DNAH11: variants seen among roughly 807,000 people sequenced by gnomAD.
The protein encoded by DNAH11 is axonemal beta dynein heavy chain 11.
Under a neutral mutation model 526.0 loss-of-function variants are expected in DNAH11, and 442 were observed. The observed-to-expected ratio is 0.84, with a 90% CI of 0.78 to 0.91. The LOEUF (loss-of-function observed/expected upper bound fraction) is 0.91, where lower values mean the gene tolerates loss of function less well. DNAH11 is among the 40% of genes least tolerant of loss of function. The pLI is 0.00. For missense variants in DNAH11, 6,989 were observed against 5,448.7 expected (o/e 1.28, Z -8.90); for synonymous variants, 2,461 against 1,935.9 (o/e 1.27, Z -7.12).
In DNAH11 at chr7:21,884,359, G is replaced by T. The variant is rs1339128502; in HGVS notation, c.12456G>T (p.Trp4152Cys). 1.2e-6 allele frequency: 2 copies of T among 1,612,960 alleles called. No individual in the cohort carries two copies. Among genetic ancestry groups the T allele is most frequent in the Non-Finnish European group, 1.7e-6 (2 of 1,179,352 alleles). The change falls in exon 76 of 82, where the codon TGG becomes TGT. Residue 4152 changes from tryptophan (W) to cysteine (C), a missense_variant. Physicochemically the swap from Trp to Cys is radical, Grantham distance 215. Coordinates refer to ENST00000409508, the MANE Select transcript of DNAH11 (RefSeq NM_001277115.2). ...IMYGGHITDD[W>C]DRKLCRVYLE... ...ATGGAGGCCACATCACAGATGACTG[G>T]GATCGCAAACTGTGTCGGGTGTATT...
At chr7:21,868,500 C>A (rs977425291) in intron 72 of DNAH11, among the ~76,000 whole-genome samples, 1 of 151,992 alleles carries the variant, frequency 6.6e-6, no homozygotes, top group Non-Finnish European at 1.5e-5. Context: ...CAGATCCATT[C>A]AAAAAAAATG....
At position 21,690,732 on chromosome 7, in the gene DNAH11, C is replaced by T. The variant is rs752284600; in HGVS notation, c.5925-33C>T. 2.7e-5 allele frequency: 40 copies of T among 1,503,082 alleles called. 3 individuals are homozygous for T. The South Asian group carries it at 4.6e-4, about 17-fold the overall frequency. The allele number at this position is 1,503,082 out of a possible 1,614,324, so 93.1% of individuals were successfully genotyped here. A position where few individuals can be genotyped will look rare whatever the true frequency, so the allele number is the denominator to read the frequency against. ...AATGTGCATTCATATTCAATGAACA[C>T]ATTTAATTTCATCAACATTCTTTTT... On this transcript the variant is annotated intron_variant, in intron 34 of 81. Coordinates refer to ENST00000409508, the MANE Select transcript of DNAH11 (RefSeq NM_001277115.2).
intron 62 of DNAH11, among the ~76,000 whole-genome samples, chr7:21,805,588 C>G (rs1003062554): frequency 3.9e-4 from 60 of 152,256 alleles, no homozygotes; most frequent in African/African-American, 1.3e-3. Context: ...GAAGAGTTCT[C>G]CATTTGTGAG....
intron 44 of DNAH11, among the ~76,000 whole-genome samples, chr7:21,723,718 G>A (rs1784968391): frequency 6.6e-6 from 1 of 151,802 alleles, no homozygotes; most frequent in Non-Finnish European, 1.5e-5. Context: ...TTCTTCCTCT[G>A]CCACTTCCCC....
intron 5 of DNAH11, among the ~76,000 whole-genome samples, chr7:21,562,353 C>A (rs1164406104): frequency 6.6e-6 from 1 of 152,080 alleles, no homozygotes; most frequent in Admixed American, 6.6e-5. Context: ...CAAGATTTCT[C>A]CTGGTTGAGA....
intron 46 of DNAH11, among the ~76,000 whole-genome samples, chr7:21,736,563 T>C (rs958847517): frequency 6.6e-6 from 1 of 152,256 alleles, no homozygotes; most frequent in Non-Finnish European, 1.5e-5. Flanking sequence ...ATATATGTTG[T>C]TTCCTTAGCT....
intron 48 of DNAH11, 35 bp downstream of exon 48, chr7:21,739,708 G>T (rs753180035): frequency 1.3e-6 from 2 of 1,515,820 alleles, no homozygotes; most frequent in Admixed American, 1.7e-5. Context: ...AAAACTGTAG[G>T]TCTGTATTGT....
At chr7:21,847,479 A>G (rs1261227910) in intron 66 of DNAH11, among the ~76,000 whole-genome samples, 4 of 152,156 alleles carry the variant, frequency 2.6e-5, no homozygotes, top group Non-Finnish European at 5.9e-5. Context: ...TAATCTCCAA[A>G]TATTTTTGAA....
chr7:21,770,194 T>C (rs1787373598), intron 55 of DNAH11, among the ~76,000 whole-genome samples: 1 of 152,164 alleles, frequency 6.6e-6, no homozygotes, highest in African/African-American at 2.4e-5. Flanking sequence ...ACCAGAAATA[T>C]TTTGGGTTTC....
At chr7:21,579,921 G>T (rs77921813) in intron 8 of DNAH11, among the ~76,000 whole-genome samples, 3,167 of 152,288 alleles carry the variant, frequency 0.021, 110 homozygotes, top group African/African-American at 0.071. Context: ...GGAGATGGAG[G>T]ATAGTAGAGA....
intron 30 of DNAH11, among the ~76,000 whole-genome samples, chr7:21,660,198 G>C (rs567314175): frequency 6.6e-6 from 1 of 152,002 alleles, no homozygotes; most frequent in African/African-American, 2.4e-5. Context: ...ATGCAATTCT[G>C]CTATGCCTTT....
chr7:21,742,005 C>A lies in DNAH11; in HGVS notation c.7993C>A (p.His2665Asn). ...NTIYGQIFSF[H>N]FQQQAFAPSI... ...CATCTATGGCCAAATCTTTAGCTTC[C>A]ATTTCCAACAGCAAGCATTTGCTCC... Residue 2665 changes from histidine (H) to asparagine (N), a missense_variant, in exon 49 of 82, where the codon CAT (histidine) becomes AAT (asparagine). Transcript: ENST00000409508. The A allele has an allele frequency of 6.2e-7, 1 of 1,613,944 alleles. No individual in the cohort carries two copies. Among genetic ancestry groups the A allele is most frequent in the Non-Finnish European group, 8.5e-7 (1 of 1,179,864 alleles).
chr7:21,606,617 T>TCAC, intron 19 of DNAH11, 30 bp from the exon 20 acceptor site: 1 of 826,310 alleles, frequency 1.2e-6, no homozygotes, highest in Non-Finnish European at 1.6e-6. Flanking sequence ...GAAATTCACT[T>TCAC]TTTTTTTTTT....
intron 62 of DNAH11, among the ~76,000 whole-genome samples, chr7:21,805,295 T>C (rs889633963): frequency 3.9e-5 from 6 of 152,224 alleles, no homozygotes; most frequent in African/African-American, 1.2e-4. Flanking sequence ...CTTTTTTTGG[T>C]CTTTTTTTCC....
At chr7:21,851,319 T>A (rs1023739598) in intron 66 of DNAH11, 1 of 266,612 alleles carries the variant, frequency 3.8e-6, no homozygotes, top group Non-Finnish European at 7.5e-6. Flanking sequence ...TCCACCATGA[T>A]TGTAAGTTTC....
At chr7:21,854,734 G>A (rs561799354) in intron 68 of DNAH11, among the ~76,000 whole-genome samples, 1 of 151,746 alleles carries the variant, frequency 6.6e-6, no homozygotes, top group East Asian at 2.0e-4. Context: ...GTAGAGACAG[G>A]GTTTTGCCAC....
At chr7:21,582,096 C>T in intron 9 of DNAH11, 75 bp downstream of exon 9, 1 of 923,368 alleles carries the variant, frequency 1.1e-6, no homozygotes, top group Non-Finnish European at 1.7e-6. Context: ...GGGGTGAATT[C>T]TCATTCAGGT....
intron 46 of DNAH11, 67 bp downstream of exon 46, chr7:21,735,911 C>T: frequency 7.1e-7 from 1 of 1,411,706 alleles, no homozygotes; most frequent in Non-Finnish European, 9.6e-7. Context: ...ACATGCAGCC[C>T]AAAAGACTAA....
At chr7:21,885,381 T>A (rs1784091620) in intron 76 of DNAH11, among the ~76,000 whole-genome samples, 1 of 151,162 alleles carries the variant, frequency 6.6e-6, no homozygotes, top group Non-Finnish European at 1.5e-5. Flanking sequence ...AAATACATGT[T>A]CTCACACACA....
Sources: allele counts gnomAD v4.1 joint callset (sites outside exome capture counted in the v4.1 genomes callset), GRCh38; gene constraint gnomAD v4.1.1; transcripts MANE v1.5; gene names NCBI Gene and HGNC (gene_info 2026-07-23, HGNC 2026-07-21).